The following KDM4B variants were observed in gnomAD, a reference collection of about 807,000 sequenced individuals.
The protein encoded by KDM4B is lysine demethylase 4B.
KDM4B carries 32 observed loss-of-function variants against 125.2 expected under a neutral mutation model. The observed-to-expected ratio is 0.26, with a 90% CI of 0.19 to 0.34. KDM4B has a LOEUF of 0.34. Ranked by LOEUF, KDM4B falls within the 10% of genes least tolerant of loss-of-function variation. The pLI is 1.00. For missense variants in KDM4B, 1,190 were observed against 1,577.7 expected, an observed-to-expected ratio of 0.75 and a Z score of 4.16; for synonymous variants, 721 against 677.9, an observed-to-expected ratio of 1.06 and a Z score of -0.99.
chr19:5,017,127 A>G (rs2035917408), intron 2 of KDM4B, among the ~76,000 whole-genome samples: 1 of 152,194 alleles, frequency 6.6e-6, no homozygotes, highest in Non-Finnish European at 1.5e-5. Flanking sequence ...GGGCCCATCC[A>G]GGGCCCCCTG....
chr19:5,133,909 G>A lies in KDM4B; in HGVS notation c.1933G>A (p.Asp645Asn). The part of the protein sequence containing the change: ...EEASPFSGEE[D>N]VSDPDALRPL... Reference sequence around the variant, plus strand: ...GGCATCCCCTTTCTCCGGGGAGGAAGATGTGAGTGACCCGGACGCCTTGAG... The same window carrying A: ...GGCATCCCCTTTCTCCGGGGAGGAAAATGTGAGTGACCCGGACGCCTTGAG... The change falls in exon 14 of 23, where the codon GAT becomes AAT. Residue 645 changes from aspartate to asparagine, a missense_variant. By Grantham distance (23) the Asp-to-Asn change is conservative (BLOSUM62 1). This residue lies in a region of KDM4B where 128 missense variants were observed against 137.8 expected (regional missense o/e 0.93). Transcript: ENST00000159111. The A allele has an allele frequency of 6.2e-7, 1 of 1,613,154 alleles. No homozygotes were observed. The highest frequency in any genetic ancestry group is 8.5e-7 in the Non-Finnish European group (1 of 1,179,924).
intron 9 of KDM4B, among the ~76,000 whole-genome samples, chr19:5,101,680 G>C (rs541900885): frequency 7.9e-4 from 120 of 150,974 alleles, no homozygotes; most frequent in African/African-American, 2.7e-3. Flanking sequence ...GGGGAAGGGC[G>C]GGGAGGGCCT....
chr19:5,041,246 G>A lies in KDM4B; in HGVS notation c.427G>A (p.Asp143Asn), dbSNP rs1568249816. ...YGADISGSLY[D>N]DDVAQWNIGS... ...GGCTGACATCAGCGGCTCTTTGTAT[G>A]ATGACGTAAGTATGAGGCTCCGGGG... is the stretch of plus-strand genomic sequence containing the variant. The change falls in exon 5 of 23, where the codon GAT becomes AAT. Residue 143 changes from aspartate to asparagine, a missense_variant. Asp to Asn is a conservative substitution (Grantham distance 23). Around this residue, in one of 7 missense-constraint regions of KDM4B, gnomAD observed 139 missense variants for 248.3 expected, o/e 0.56. Coordinates refer to ENST00000159111, the MANE Select transcript of KDM4B (RefSeq NM_015015.3). 1 of 1,610,744 alleles carries A rather than the reference G, an allele frequency of 6.2e-7. No homozygotes were observed. The highest frequency in any genetic ancestry group is 8.5e-7 in the Non-Finnish European group (1 of 1,177,458).
At chr19:5,122,829 G>T (rs1034394586) in intron 11 of KDM4B, among the ~76,000 whole-genome samples, 1 of 152,216 alleles carries the variant, frequency 6.6e-6, no homozygotes, top group Admixed American at 6.5e-5. Context: ...TGTGCTCCTC[G>T]GACCACCAGA....
rs1428383746 is a variant in KDM4B, at chr19:5,060,450, AAAAAAAAAAAAAAG to A, written c.627-10559_627-10546del. Among the ~76,000 whole-genome samples, 51 of 145,788 alleles carry A rather than the reference AAAAAAAAAAAAAAG, an allele frequency of 3.5e-4. 1 individual carries two copies. Among genetic ancestry groups the A allele is most frequent in the East Asian group, 1.2e-3 (6 of 5,008 alleles). ...TCTGTCTCCAAAAAAAAAAAAAAAA[AAAAAAAAAAAAAAG>A]GGAGCCATGATTGTTCTCCAGCTGC... On this transcript the variant is annotated intron_variant, in intron 6 of 22. Coordinates refer to ENST00000159111, the MANE Select transcript of KDM4B (RefSeq NM_015015.3).
chr19:4,971,623 T>C lies in KDM4B; in HGVS notation c.-109+2393T>C, dbSNP rs1480644719. On this transcript the variant is annotated intron_variant, in intron 1 of 22. Coordinates refer to ENST00000159111, the MANE Select transcript of KDM4B (RefSeq NM_015015.3). This position sits in a 1 kb window ranked among gnomAD's most constrained non-coding sequence, Gnocchi z 4.1. ...CCATGCCGGGACAGGTTGGGAGGAGTCCCTGGCTCCTGTGGGTTTAGAGTG... is the reference window on the plus strand; with the variant it reads ...CCATGCCGGGACAGGTTGGGAGGAGCCCCTGGCTCCTGTGGGTTTAGAGTG... Among the ~76,000 whole-genome samples the C allele has an allele frequency of 1.3e-5, 2 of 151,288 alleles. No individual in the cohort carries two copies. Among genetic ancestry groups the C allele is most frequent in the African/African-American group, 2.4e-5 (1 of 41,078 alleles).
chr19:5,137,412 T>C (rs1050060083), intron 16 of KDM4B, 74 bp downstream of exon 16: 3 of 1,405,030 alleles, frequency 2.1e-6, no homozygotes, highest in Admixed American at 2.0e-5. Flanking sequence ...GGGGTGACTT[T>C]GGGGCGTAGT....
At position 5,100,389 on chromosome 19, in the gene KDM4B, C is replaced by T. The variant is rs553854401; in HGVS notation, c.919-10233C>T. On this transcript the variant is annotated intron_variant, in intron 9 of 22. Coordinates refer to ENST00000159111, the MANE Select transcript of KDM4B (RefSeq NM_015015.3). ...TTATCTTCCCCACCTCCGTTTTCTA[C>T]GTTGTCTTTTTTGTTTTTGTTGTTG... Among the ~76,000 whole-genome samples, 63 of 152,252 alleles carry T rather than the reference C, an allele frequency of 4.1e-4. 1 individual carries two copies. Among genetic ancestry groups the T allele is most frequent in the Middle Eastern group, 3.4e-3 (1 of 294 alleles).
At chr19:5,126,902 C>T (rs968376903) in intron 11 of KDM4B, among the ~76,000 whole-genome samples, 2 of 152,352 alleles carry the variant, frequency 1.3e-5, no homozygotes, top group African/African-American at 2.4e-5. Flanking sequence ...GAGTTGATCT[C>T]GGCAGCCTCG....
At chr19:5,143,546 G>A (rs1189547372) in intron 18 of KDM4B, among the ~76,000 whole-genome samples, 1 of 152,092 alleles carries the variant, frequency 6.6e-6, no homozygotes, top group Non-Finnish European at 1.5e-5. Flanking sequence ...CAGAACACGG[G>A]GTCACATGGT....
intron 9 of KDM4B, among the ~76,000 whole-genome samples, chr19:5,093,857 A>C (rs2038763414): frequency 1.3e-5 from 2 of 152,174 alleles, no homozygotes; most frequent in Non-Finnish European, 2.9e-5. Flanking sequence ...TGGAAGGAGG[A>C]ATTTCTGCTC....
rs1261025104 is a variant in KDM4B at position 5,110,778 on chromosome 19, A to G, written c.1075A>G (p.Ser359Gly). The G allele has an allele frequency of 1.2e-6, 2 of 1,606,498 alleles. No homozygotes were observed. The highest frequency in any genetic ancestry group is 8.5e-7 in the Non-Finnish European group (1 of 1,176,754). The part of the protein sequence containing the change: ...ALTSPELSSW[S>G]ASRASLKAKL... ...CACCAGCCCCGAGCTGAGCTCCTGG[A>G]GTGCATCCCGGGCCTCGCTGAAGGC... The change falls in exon 10 of 23, where the codon AGT becomes GGT. Residue 359 changes from serine (S) to glycine (G), a missense_variant. Physicochemically the swap from Ser to Gly is moderately conservative, Grantham distance 56. Transcript: ENST00000159111.
At chr19:5,023,543 C>G (rs757050905) in intron 2 of KDM4B, among the ~76,000 whole-genome samples, 1 of 152,094 alleles carries the variant, frequency 6.6e-6, no homozygotes, top group South Asian at 2.1e-4. Context: ...CGTGCTTTGG[C>G]AGCAGGAACC....
chr19:5,050,793 G>A (rs955020833), intron 6 of KDM4B, among the ~76,000 whole-genome samples: 2 of 152,188 alleles, frequency 1.3e-5, no homozygotes, highest in East Asian at 1.9e-4. Context: ...CCAGCTACTC[G>A]GGAGGCTGAG....
At chr19:4,992,295 G>A (rs971429023) in intron 1 of KDM4B, among the ~76,000 whole-genome samples, 3 of 152,062 alleles carry the variant, frequency 2.0e-5, no homozygotes, top group East Asian at 3.8e-4. Flanking sequence ...TCTTTGTTAC[G>A]TACTGTGCTC....
At chr19:5,086,654 C>A (rs532866212) in intron 9 of KDM4B, among the ~76,000 whole-genome samples, 6 of 151,944 alleles carry the variant, frequency 3.9e-5, no homozygotes, top group South Asian at 2.1e-4. Flanking sequence ...CTCCCCCCCC[C>A]AGCCCCCAGG....
At position 4,971,680 on chromosome 19, in the gene KDM4B, G is replaced by A. The variant is rs2034263631; in HGVS notation, c.-109+2450G>A. On this transcript the variant is annotated intron_variant, in intron 1 of 22. Transcript: ENST00000159111. This position sits in a 1 kb window ranked among gnomAD's most constrained non-coding sequence, Gnocchi z 4.1. ...GGGAAAGGGTGAGCTGGCTGCCCAG[G>A]GCCTGGTCACAGCTGGAATGGTGGT... Among the ~76,000 whole-genome samples, 1 of 152,142 alleles carries A rather than the reference G, an allele frequency of 6.6e-6. No homozygotes were observed. The highest frequency in any genetic ancestry group is 2.4e-5 in the African/African-American group (1 of 41,422).
rs151122226 is a variant in KDM4B at position 4,999,031 on chromosome 19, A to G, written c.-108-17226A>G. Among the ~76,000 whole-genome samples the G allele has an allele frequency of 4.9e-3, 744 of 152,190 alleles. 4 individuals carry two copies. The highest frequency in any genetic ancestry group is 0.019 in the South Asian group (93 of 4,814). On this transcript the variant is annotated intron_variant, in intron 1 of 22. Coordinates refer to ENST00000159111, the MANE Select transcript of KDM4B (RefSeq NM_015015.3). Reference sequence around the variant, plus strand: ...CTAACATTACTATTGTACCATTTGCATCTCATGGGGAGGCCAGTGTAAACA... The same window carrying G: ...CTAACATTACTATTGTACCATTTGCGTCTCATGGGGAGGCCAGTGTAAACA...
rs554793609 is a variant in KDM4B at position 5,095,703 on chromosome 19, C to G, written c.918+13199C>G. 5.3e-5 allele frequency among the ~76,000 whole-genome samples: 8 copies of G among 151,420 alleles called. No homozygotes were observed. The East Asian group carries it at 1.6e-3, about 30-fold the overall frequency. ...GGAGCAGCCAGGGTGGACCCCTCAA[C>G]CTGGATCAGATCACAAGGGGCTGGC... On this transcript the variant is annotated intron_variant, in intron 9 of 22. Transcript: ENST00000159111.
Sources: gnomAD v4.1 joint callset for allele counts (sites outside exome capture counted in the v4.1 genomes callset) on GRCh38, gnomAD v4.1.1 for gene constraint, gnomAD v4.1.1 regional missense constraint, Gnocchi (gnomAD v3.1) non-coding constraint, MANE v1.5 for transcripts, NCBI Gene and HGNC (gene_info 2026-07-23, HGNC 2026-07-21) for gene names.